Variants in SATL1 observed in about 807,000 individuals in gnomAD.
The protein encoded by SATL1 is spermidine/spermine N(1)-acetyltransferase-like protein 1.
In SATL1, 47 loss-of-function variants were observed where a neutral mutation model predicts 51.8. That is an observed-to-expected ratio of 0.91 (90% CI 0.72 to 1.16). SATL1 has a LOEUF of 1.16. Among genes scored for constraint, SATL1 ranks in the 50% most tolerant of loss-of-function variants. The pLI is 0.00. For missense variants in SATL1, 520 were observed against 526.4 expected (o/e 0.99, Z 0.12); for synonymous variants, 176 against 182.4 (o/e 0.97, Z 0.28).
At chrX:85,094,762 A>G in intron 5 of SATL1, among the ~76,000 whole-genome samples, 154 bp downstream of exon 5, 1 of 111,334 alleles carries the variant, frequency 9.0e-6, no homozygotes. Flanking sequence ...TGTTTATACA[A>G]ACATAAGTAC....
At chrX:85,125,822 T>G (rs1349492308) in intron 2 of SATL1, among the ~76,000 whole-genome samples, 1 of 110,279 alleles carries the variant, frequency 9.1e-6, no homozygotes, top group Non-Finnish European at 1.9e-5. Context: ...TTGCAAGCAG[T>G]GTCTTAAATT....
chrX:85,155,145 G>A (rs1926555123), intron 2 of SATL1, among the ~76,000 whole-genome samples: 1 of 111,162 alleles, frequency 9.0e-6, no homozygotes, highest in Non-Finnish European at 1.9e-5. Flanking sequence ...GTATATATAG[G>A]CATAAAATCA....
chrX:85,205,168 T>C (rs17325019), intron 2 of SATL1, among the ~76,000 whole-genome samples: 14,384 of 111,619 alleles, frequency 0.13, 712 homozygotes, highest in South Asian at 0.17. Context: ...GATTACAGAC[T>C]CTATAGGAGA....
chrX:85,093,639 CAGG>C (rs751463653), intron 6 of SATL1, among the ~76,000 whole-genome samples: 1 of 112,267 alleles, frequency 8.9e-6, no homozygotes, highest in Non-Finnish European at 1.9e-5. Context: ...GAGGCCAAGG[CAGG>C]AGGATCACTT....
At chrX:85,107,254 C>T (rs949811333) in intron 3 of SATL1, 74 bp downstream of exon 3, 25 of 901,455 alleles carry the variant, frequency 2.8e-5, no homozygotes, top group African/African-American at 5.9e-5. Context: ...GAATTCGAAC[C>T]CCAACTATGC....
chrX:85,188,462 C>T (rs1262888853), intron 2 of SATL1, among the ~76,000 whole-genome samples: 1 of 111,084 alleles, frequency 9.0e-6, no homozygotes, highest in African/African-American at 3.3e-5. Context: ...TAGCTACAAC[C>T]GTTTTATGCA....
At position 85,149,078 on chromosome X, in the gene SATL1, G is replaced by A. The variant is rs189930767; in HGVS notation, c.-312-39798C>T. ...GCTGTATTCAGGAAACCCATCTCAC[G>A]TGCAGAGACACACATAGGCTCAAAA... On this transcript the variant is annotated intron_variant, in intron 2 of 7. Transcript: ENST00000644105. 8.6e-3 allele frequency among the ~76,000 whole-genome samples: 952 copies of A among 111,318 alleles called. 11 individuals carry two copies. Among genetic ancestry groups the A allele is most frequent in the African/African-American group, 0.03 (906 of 30,609 alleles).
intron 4 of SATL1, among the ~76,000 whole-genome samples, chrX:85,100,717 A>G (rs1437650980): frequency 8.9e-6 from 1 of 111,805 alleles, no homozygotes; most frequent in East Asian, 2.8e-4. Context: ...TCACATTCAT[A>G]TGGAATTCCA....
At chrX:85,161,479 T>TAAAAAAAAA (rs375382557) in intron 2 of SATL1, among the ~76,000 whole-genome samples, 1 of 59,518 alleles carries the variant, frequency 1.7e-5, no homozygotes. Flanking sequence ...GCCAAGCAAA[T>TAAAAAAAAA]AAAAAAAAAA....
intron 2 of SATL1, among the ~76,000 whole-genome samples, chrX:85,146,322 A>G (rs906570571): frequency 2.7e-5 from 3 of 111,919 alleles, no homozygotes; most frequent in African/African-American, 9.8e-5. Context: ...ATTTAAAAAT[A>G]ATTAAGAGTA....
intron 2 of SATL1, among the ~76,000 whole-genome samples, chrX:85,135,346 A>T (rs758587212): frequency 1.8e-5 from 2 of 110,921 alleles, no homozygotes; most frequent in Non-Finnish European, 1.9e-5. Flanking sequence ...AAGAAAAAAA[A>T]ACTTCAAATA....
At chrX:85,177,725 T>C (rs1171601447) in intron 2 of SATL1, among the ~76,000 whole-genome samples, 1 of 112,027 alleles carries the variant, frequency 8.9e-6, no homozygotes, top group Non-Finnish European at 1.9e-5. Flanking sequence ...AAAGTATAGA[T>C]AGGACATTTA....
At chrX:85,218,879 G>T (rs913538879) in intron 2 of SATL1, among the ~76,000 whole-genome samples, 6 of 111,796 alleles carry the variant, frequency 5.4e-5, no homozygotes, top group African/African-American at 1.9e-4. Flanking sequence ...AAGCAGCCAG[G>T]AATTATTTTA....
intron 2 of SATL1, among the ~76,000 whole-genome samples, chrX:85,169,020 GA>G: frequency 8.9e-6 from 1 of 112,137 alleles, no homozygotes; most frequent in South Asian, 3.7e-4. Context: ...CAAGCAATGG[GA>G]AAAAGACTCC....
intron 2 of SATL1, among the ~76,000 whole-genome samples, chrX:85,157,157 A>T (rs1439552189): frequency 9.1e-6 from 1 of 109,771 alleles, no homozygotes; most frequent in Non-Finnish European, 1.9e-5. Flanking sequence ...TAAGGAAGTA[A>T]TTCTACATAT....
At chrX:85,124,830 C>T (rs1445944619) in intron 2 of SATL1, among the ~76,000 whole-genome samples, 1 of 110,815 alleles carries the variant, frequency 9.0e-6, no homozygotes, top group East Asian at 2.8e-4. Flanking sequence ...TGAGCTGGTG[C>T]CCCAAGGCTC....
intron 2 of SATL1, among the ~76,000 whole-genome samples, chrX:85,152,164 A>G (rs911099262): frequency 4.9e-4 from 55 of 112,169 alleles, no homozygotes; most frequent in Non-Finnish European, 9.0e-4. Context: ...AAGGATATGA[A>G]CAGACACTTC....
intron 2 of SATL1, among the ~76,000 whole-genome samples, chrX:85,138,659 T>C (rs149184911): frequency 1.1e-3 from 119 of 111,801 alleles, no homozygotes; most frequent in Non-Finnish European, 1.9e-3. Context: ...CAGGAGCAGA[T>C]TGGTAACGAA....
intron 2 of SATL1, among the ~76,000 whole-genome samples, chrX:85,196,239 C>A (rs1927558976): frequency 9.0e-6 from 1 of 111,108 alleles, no homozygotes; most frequent in Admixed American, 9.6e-5. Context: ...AACAAAAAAG[C>A]ACAAAGCTAC....
Sources: allele counts gnomAD v4.1 joint callset (sites outside exome capture counted in the v4.1 genomes callset), GRCh38; gene constraint gnomAD v4.1.1; transcripts MANE v1.5; gene names NCBI Gene and HGNC (gene_info 2026-07-23, HGNC 2026-07-21).